The following IMMP2L variants were observed in gnomAD, a reference collection of about 807,000 sequenced individuals.
IMMP2L encodes the protein inner mitochondrial membrane peptidase subunit 2, also known as mitochondrial inner membrane protease subunit 2.
Under a neutral mutation model 19.3 loss-of-function variants are expected in IMMP2L, and 18 were observed. The ratio of observed to expected loss-of-function variants is 0.93; its 90% CI spans 0.64 to 1.38. The LOEUF (loss-of-function observed/expected upper bound fraction) is 1.38, where lower values mean the gene tolerates loss of function less well. IMMP2L is among the 40% of genes most tolerant of loss of function. The probability of loss-of-function intolerance (pLI) is 0.00; values close to 1 mark genes in which losing one functional copy is unlikely to be tolerated. For missense variants in IMMP2L, 233 were observed against 218.2 expected (o/e 1.07, Z -0.43); for synonymous variants, 76 against 73.0 (o/e 1.04, Z -0.21).
At chr7:110,966,616 T>C (rs949042692) in intron 3 of IMMP2L, among the ~76,000 whole-genome samples, 2 of 152,046 alleles carry the variant, frequency 1.3e-5, no homozygotes, top group Non-Finnish European at 2.9e-5. Context: ...GAGCTATCTA[T>C]ATAATTAAAG....
intron 3 of IMMP2L, among the ~76,000 whole-genome samples, chr7:111,085,248 G>C (rs1334901145): frequency 6.6e-6 from 1 of 152,138 alleles, no homozygotes; most frequent in Non-Finnish European, 1.5e-5. Flanking sequence ...TTAAAAGTAA[G>C]ACCTTTGGGT....
At chr7:110,989,116 T>C (rs1291726063) in intron 3 of IMMP2L, among the ~76,000 whole-genome samples, 1 of 152,056 alleles carries the variant, frequency 6.6e-6, no homozygotes, top group African/African-American at 2.4e-5. Flanking sequence ...ATGCCTGTAA[T>C]CCCAGCTACT....
intron 3 of IMMP2L, among the ~76,000 whole-genome samples, chr7:111,402,452 T>C (rs1175762482): frequency 6.6e-6 from 1 of 152,072 alleles, no homozygotes; most frequent in East Asian, 1.9e-4. Flanking sequence ...GGCTCACGCA[T>C]GCAATCCCAG....
intron 3 of IMMP2L, among the ~76,000 whole-genome samples, chr7:111,290,326 T>C (rs944853403): frequency 6.6e-6 from 1 of 152,024 alleles, no homozygotes; most frequent in African/African-American, 2.4e-5. Context: ...CAACACATAA[T>C]ATGAGGAATA....
chr7:111,178,928 T>C (rs1807386891), intron 3 of IMMP2L, among the ~76,000 whole-genome samples: 1 of 152,066 alleles, frequency 6.6e-6, no homozygotes, highest in South Asian at 2.1e-4. Flanking sequence ...GCATCACAAA[T>C]GTTCTTAATG....
chr7:111,381,096 T>C (rs913243070), intron 3 of IMMP2L, among the ~76,000 whole-genome samples: 5 of 151,978 alleles, frequency 3.3e-5, no homozygotes, highest in Non-Finnish European at 7.4e-5. Context: ...CCACGCGAAC[T>C]GTTGTAGCTG....
chr7:110,792,493 A>T (rs188500126), intron 5 of IMMP2L, among the ~76,000 whole-genome samples: 248 of 152,164 alleles, frequency 1.6e-3, no homozygotes, highest in African/African-American at 5.3e-3. Flanking sequence ...CTTTAAAAAA[A>T]TTTTTTAAGT....
intron 3 of IMMP2L, among the ~76,000 whole-genome samples, chr7:111,079,215 TCACGC>T (rs1421247584): frequency 1.3e-5 from 2 of 150,144 alleles, no homozygotes; most frequent in African/African-American, 2.4e-5. Flanking sequence ...CCTCCCGGGT[TCACGC>T]CATTCTCCTG....
chr7:111,105,165 C>A (rs988798044), intron 3 of IMMP2L, among the ~76,000 whole-genome samples: 1 of 151,738 alleles, frequency 6.6e-6, no homozygotes, highest in Non-Finnish European at 1.5e-5. Context: ...AACCACAAAA[C>A]CTTTGAAGTG....
At chr7:111,362,340 C>T (rs903281577) in intron 3 of IMMP2L, among the ~76,000 whole-genome samples, 31 of 151,856 alleles carry the variant, frequency 2.0e-4, no homozygotes, top group African/African-American at 7.2e-4. Flanking sequence ...TTTTCTAAAA[C>T]TGTAATGTTC....
At chr7:111,501,605 T>A (rs1844266891) in intron 2 of IMMP2L, among the ~76,000 whole-genome samples, 1 of 152,126 alleles carries the variant, frequency 6.6e-6, no homozygotes, top group African/African-American at 2.4e-5. Context: ...GGGAAGCCCA[T>A]CAGACAAACA....
rs1819389894 is a variant in IMMP2L, at chr7:110,965,056, TTTG to T, written c.240-1494_240-1492del. ...CAGAAAATATGTGAGATAATAAACG[TTTG>T]TTGTTTTAAGATGCTAGACATTGGG... On this transcript the variant is annotated intron_variant, in intron 3 of 5. Transcript: ENST00000405709. Among the ~76,000 whole-genome samples the T allele has an allele frequency of 2.6e-5, 4 of 152,118 alleles. No homozygotes were observed. In the East Asian group the frequency reaches 7.8e-4, roughly 30 times the overall value.
chr7:110,815,013 G>A (rs1010698432), intron 5 of IMMP2L, among the ~76,000 whole-genome samples: 1 of 151,950 alleles, frequency 6.6e-6, no homozygotes, highest in Non-Finnish European at 1.5e-5. Flanking sequence ...CGTCTTAACT[G>A]TGAGATGCCG....
rs995148561 is a variant in IMMP2L, at chr7:110,702,719, T to C, written c.409-38998A>G. Among the ~76,000 whole-genome samples, 7 of 152,304 alleles carry C rather than the reference T, an allele frequency of 4.6e-5. No homozygotes were observed. The East Asian group carries it at 5.8e-4, about 13-fold the overall frequency. ...ACATTTTCAATTTTCAATTGTTTAT[T>C]GCTAGTATAGAGAAACAAATTAATT... is the stretch of plus-strand genomic sequence containing the variant. On this transcript the variant is annotated intron_variant, in intron 5 of 5. Coordinates refer to ENST00000405709, the MANE Select transcript of IMMP2L (RefSeq NM_032549.4).
intron 3 of IMMP2L, among the ~76,000 whole-genome samples, chr7:111,173,449 TA>T (rs1786995388): frequency 6.6e-6 from 1 of 151,624 alleles, no homozygotes; most frequent in African/African-American, 2.4e-5. Flanking sequence ...GTAAACTTTC[TA>T]AAGATGCTGA....
chr7:111,148,341 G>T (rs1238076309), intron 3 of IMMP2L, among the ~76,000 whole-genome samples: 1 of 152,008 alleles, frequency 6.6e-6, no homozygotes, highest in African/African-American at 2.4e-5. Flanking sequence ...AGTAGACAGT[G>T]CTTGCTAGCC....
chr7:111,184,819 A>G (rs1418085867), intron 3 of IMMP2L, among the ~76,000 whole-genome samples: 1 of 152,086 alleles, frequency 6.6e-6, no homozygotes, highest in African/African-American at 2.4e-5. Flanking sequence ...ATCTGAATTT[A>G]GGAGTATTCA....
At chr7:110,958,253 G>C (rs1404973468) in intron 4 of IMMP2L, among the ~76,000 whole-genome samples, 1 of 151,946 alleles carries the variant, frequency 6.6e-6, no homozygotes, top group Admixed American at 6.6e-5. Context: ...GGAAAATTTG[G>C]CAGTATATAT....
chr7:110,715,464 G>A (rs1795176363), intron 5 of IMMP2L, among the ~76,000 whole-genome samples: 1 of 152,074 alleles, frequency 6.6e-6, no homozygotes, highest in Non-Finnish European at 1.5e-5. Context: ...TTGGTATGTT[G>A]TATCTGGTTT....
Sources: allele counts gnomAD v4.1 joint callset (sites outside exome capture counted in the v4.1 genomes callset), GRCh38; gene constraint gnomAD v4.1.1; transcripts MANE v1.5; gene names NCBI Gene and HGNC (gene_info 2026-07-23, HGNC 2026-07-21).